PLEKHA7: variants seen among roughly 807,000 people sequenced by gnomAD.
PLEKHA7 encodes the protein pleckstrin homology domain-containing family A member 7.
A neutral mutation model predicts 170.0 loss-of-function variants in PLEKHA7; 104 were observed. The observed-to-expected ratio is 0.61, with a 90% CI of 0.52 to 0.72. The LOEUF is 0.72. Ranked by LOEUF, PLEKHA7 falls within the 30% of genes least tolerant of loss-of-function variation. PLEKHA7 has a pLI of 0.00. For synonymous variants in PLEKHA7, 648 were observed against 660.8 expected (o/e 0.98, Z 0.30); for missense variants, 1,615 against 1,671.7 (o/e 0.97, Z 0.59).
chr11:16,801,150 C>T, intron 16 of PLEKHA7, 75 bp from the exon 17 acceptor site: 1 of 1,279,184 alleles, frequency 7.8e-7, no homozygotes, highest in South Asian at 1.2e-5. Context: ...CACCTGTACT[C>T]CTGACCATGC....
intron 3 of PLEKHA7, among the ~76,000 whole-genome samples, chr11:16,882,873 T>TAC (rs756811238): frequency 8.9e-3 from 427 of 48,172 alleles, no homozygotes; most frequent in Non-Finnish European, 0.02. Context: ...CACACACACA[T>TAC]ACACACACAC....
At chr11:16,885,288 C>G (rs534522174) in intron 3 of PLEKHA7, among the ~76,000 whole-genome samples, 1 of 151,512 alleles carries the variant, frequency 6.6e-6, no homozygotes, top group Admixed American at 6.6e-5. Context: ...CAAGATCAAG[C>G]CACTGCACTC....
chr11:16,892,610 T>G (rs1428274682), intron 3 of PLEKHA7, among the ~76,000 whole-genome samples: 1 of 142,598 alleles, frequency 7.0e-6, no homozygotes, highest in Non-Finnish European at 1.5e-5. Context: ...CATGCCCAGC[T>G]TCCAGCTTCT....
At chr11:16,803,337 T>C (rs753174256) in intron 13 of PLEKHA7, 42 bp from the exon 14 acceptor site, 1 of 1,575,626 alleles carries the variant, frequency 6.3e-7, no homozygotes, top group East Asian at 2.2e-5. Context: ...CCATGGTGTT[T>C]GAGATCAGAA....
intron 13 of PLEKHA7, among the ~76,000 whole-genome samples, chr11:16,810,994 C>T (rs1050487105): frequency 5.3e-5 from 8 of 152,182 alleles, no homozygotes; most frequent in African/African-American, 1.9e-4. Context: ...AAGTAAAATG[C>T]AGTGACTGGC....
At chr11:16,782,622 C>T in intron 26 of PLEKHA7, 132 bp downstream of exon 26, 1 of 1,181,348 alleles carries the variant, frequency 8.5e-7, no homozygotes, top group Non-Finnish European at 1.2e-6. Context: ...GTCAGGGGAA[C>T]ACACCACTGA....
rs10674972 is a variant in PLEKHA7, at chr11:16,892,619, C to CTTTTTTTT, written c.222-21445_222-21438dup. 1.7e-3 allele frequency among the ~76,000 whole-genome samples: 140 copies of CTTTTTTTT among 82,376 alleles called. 2 individuals carry two copies. The highest frequency in any genetic ancestry group is 6.0e-3 in the African/African-American group (114 of 19,090). The allele number at this position is 82,376 out of a possible 152,430, so 54.0% of individuals were successfully genotyped here. ...TGCCACCATGCCCAGCTTCCAGCTT[C>CTTTTTTTT]TTTTTTTTTTTTTTTTTTTTTTCGT... On this transcript the variant is annotated intron_variant, in intron 3 of 26. Transcript: ENST00000531066.
intron 3 of PLEKHA7, among the ~76,000 whole-genome samples, chr11:16,960,037 C>T (rs1191667441): frequency 1.3e-5 from 2 of 152,224 alleles, no homozygotes; most frequent in African/African-American, 4.8e-5. Flanking sequence ...AACCTCACTC[C>T]TGTGCCCTCC....
In PLEKHA7 at chr11:16,783,747, C is replaced by G; in HGVS notation, c.3603G>C (p.Ala1201=). ...GGATCTTCTCGGCTTTGCGGTACCG[C>G]GCCTGCAGCTCCTCAAGGCTGGGTG... The part of the protein sequence containing the change: ...EEPPSLEELQ[A]RYRKAEKIRN... Residue 1201 remains alanine (A), a synonymous_variant, in exon 25 of 27, where the codon GCG becomes GCC. Coordinates refer to ENST00000531066, the MANE Select transcript of PLEKHA7 (RefSeq NM_001329630.2). 1 of 1,507,588 alleles carries G rather than the reference C, an allele frequency of 6.6e-7. No individual in the cohort carries two copies. The highest frequency in any genetic ancestry group is 8.8e-7 in the Non-Finnish European group (1 of 1,133,154). The allele number at this position is 1,507,588 out of a possible 1,614,324, so 93.4% of individuals were successfully genotyped here.
intron 4 of PLEKHA7, among the ~76,000 whole-genome samples, chr11:16,861,865 AC>A (rs1295665228): frequency 2.0e-5 from 3 of 152,144 alleles, no homozygotes; most frequent in African/African-American, 7.2e-5. Flanking sequence ...TGAGAAGAGG[AC>A]ACATTCACAA....
intron 19 of PLEKHA7, among the ~76,000 whole-genome samples, chr11:16,792,914 C>T (rs1052906240): frequency 6.6e-6 from 1 of 152,168 alleles, no homozygotes. Context: ...GCTGGGACGA[C>T]AGGCAAGCAG....
chr11:16,915,932 C>T (rs549084671), intron 3 of PLEKHA7, among the ~76,000 whole-genome samples: 39 of 150,148 alleles, frequency 2.6e-4, no homozygotes, highest in African/African-American at 9.6e-4. Flanking sequence ...CCTGAGGAAT[C>T]GCCACACTGA....
At chr11:16,950,124 G>A (rs1297393348) in intron 3 of PLEKHA7, among the ~76,000 whole-genome samples, 1 of 151,872 alleles carries the variant, frequency 6.6e-6, no homozygotes, top group Non-Finnish European at 1.5e-5. Flanking sequence ...AGGGAGCAGG[G>A]AGAGGAGTCA....
intron 9 of PLEKHA7, among the ~76,000 whole-genome samples, chr11:16,831,613 A>G (rs1851119450): frequency 6.6e-6 from 1 of 152,252 alleles, no homozygotes; most frequent in East Asian, 1.9e-4. Context: ...CATTTTGGCC[A>G]TATGTGTCAC....
At chr11:16,909,972 C>T (rs1435950845) in intron 3 of PLEKHA7, among the ~76,000 whole-genome samples, 1 of 151,936 alleles carries the variant, frequency 6.6e-6, no homozygotes, top group African/African-American at 2.4e-5. Context: ...TAAAGAGATA[C>T]GGCAATGGCC....
intron 3 of PLEKHA7, among the ~76,000 whole-genome samples, chr11:16,905,106 G>A (rs1410721471): frequency 6.6e-6 from 1 of 152,032 alleles, no homozygotes; most frequent in East Asian, 1.9e-4. Flanking sequence ...ACAAAAATTA[G>A]CTGGGTGTGG....
chr11:16,834,521 T>A (rs937654126), intron 9 of PLEKHA7, among the ~76,000 whole-genome samples: 10 of 152,166 alleles, frequency 6.6e-5, no homozygotes, highest in African/African-American at 2.4e-4. Context: ...TACTACAAGT[T>A]TCTTTAGTCC....
intron 3 of PLEKHA7, among the ~76,000 whole-genome samples, chr11:16,894,665 G>A (rs1356647304): frequency 6.6e-6 from 1 of 152,092 alleles, no homozygotes; most frequent in Non-Finnish European, 1.5e-5. Context: ...AATGGTAAGG[G>A]TACATGTTCT....
At chr11:16,904,123 G>C (rs1254090932) in intron 3 of PLEKHA7, among the ~76,000 whole-genome samples, 2 of 152,186 alleles carry the variant, frequency 1.3e-5, no homozygotes, top group Non-Finnish European at 2.9e-5. Context: ...GCTCCCTCTT[G>C]ACAGGCCTTC....
Sources: gnomAD v4.1 joint callset for allele counts (sites outside exome capture counted in the v4.1 genomes callset) on GRCh38, gnomAD v4.1.1 for gene constraint, MANE v1.5 for transcripts, NCBI Gene and HGNC (gene_info 2026-07-23, HGNC 2026-07-21) for gene names.